SLC4A4: variants seen among roughly 807,000 people sequenced by gnomAD.
SLC4A4 encodes solute carrier family 4 member 4.
Under a neutral mutation model 111.5 loss-of-function variants are expected in SLC4A4, and 27 were observed. The ratio of observed to expected loss-of-function variants is 0.24; its 90% CI spans 0.18 to 0.33. The LOEUF (loss-of-function observed/expected upper bound fraction) is 0.33. SLC4A4 is among the 10% of genes least tolerant of loss of function. The pLI is 1.00. For synonymous variants in SLC4A4, 443 were observed against 463.4 expected (o/e 0.96, Z 0.57); for missense variants, 909 against 1,315.5 (o/e 0.69, Z 4.78).
chr4:71,515,576 A>C (rs1732309223), intron 16 of SLC4A4, among the ~76,000 whole-genome samples: 1 of 152,178 alleles, frequency 6.6e-6, no homozygotes, highest in Non-Finnish European at 1.5e-5. Context: ...CGGGGTGTTA[A>C]AATCTTCTAC....
chr4:71,216,196 A>G (rs1718423466), intron 1 of SLC4A4, among the ~76,000 whole-genome samples: 1 of 152,254 alleles, frequency 6.6e-6, no homozygotes, highest in Admixed American at 6.5e-5. Context: ...GGCGTGAGCC[A>G]CAACTCCCAG....
chr4:71,084,940 A>G (rs1175026771), intron 1 of SLC4A4, among the ~76,000 whole-genome samples: 1 of 152,088 alleles, frequency 6.6e-6, no homozygotes, highest in Non-Finnish European at 1.5e-5. Context: ...TTGCTAGGTC[A>G]AATGGCATTG....
intron 6 of SLC4A4, among the ~76,000 whole-genome samples, chr4:71,375,185 G>C (rs1328947159): frequency 6.6e-6 from 1 of 152,062 alleles, no homozygotes; most frequent in Non-Finnish European, 1.5e-5. Context: ...CTTACACTTT[G>C]TTCCAGTTGA....
intron 1 of SLC4A4, among the ~76,000 whole-genome samples, chr4:71,192,647 T>G (rs572945125): frequency 4.6e-5 from 7 of 152,092 alleles, no homozygotes; most frequent in Admixed American, 3.9e-4. Context: ...CCTCCCCCAC[T>G]TTCTCAGCTC....
intron 15 of SLC4A4, among the ~76,000 whole-genome samples, chr4:71,491,661 T>C (rs1729925378): frequency 6.6e-6 from 1 of 152,034 alleles, no homozygotes; most frequent in Non-Finnish European, 1.5e-5. Context: ...CTCACAACCC[T>C]GACCTGGAAT....
chr4:71,471,320 G>A (rs1229991367), intron 13 of SLC4A4, among the ~76,000 whole-genome samples: 1 of 151,954 alleles, frequency 6.6e-6, no homozygotes, highest in Non-Finnish European at 1.5e-5. Context: ...ATTTAAGCTA[G>A]GGTGTCTGAC....
In SLC4A4 at chr4:71,144,192, A is replaced by G. The variant is rs538541916; in HGVS notation, c.-2+51400A>G. Among the ~76,000 whole-genome samples, 416 of 152,296 alleles carry G rather than the reference A, an allele frequency of 2.7e-3. 4 individuals are homozygous for G. The highest frequency in any genetic ancestry group is 9.5e-3 in the African/African-American group (393 of 41,564). ...TTAGCCAGTTTTCCCAGCACCATCT[A>G]CTAAATAGGGAATCCTTTCCCCATT... is the stretch of plus-strand genomic sequence containing the variant. On this transcript the variant is annotated intron_variant, in intron 2 of 26. Coordinates refer to the SLC4A4 transcript ENST00000649996.
intron 7 of SLC4A4, among the ~76,000 whole-genome samples, chr4:71,421,062 C>T (rs372833673): frequency 0.17 from 24,900 of 143,354 alleles, 1,966 homozygotes; most frequent in South Asian, 0.36. Context: ...AGAGTCAAGA[C>T]CCATCAGTGT....
chr4:71,339,275 G>A lies in SLC4A4; in HGVS notation c.254-95G>A, dbSNP rs1210167775. 2 of 1,614,174 alleles carry A rather than the reference G, an allele frequency of 1.2e-6. No individual in the cohort carries two copies. The highest frequency in any genetic ancestry group is 1.6e-4 in the Middle Eastern group (1 of 6,062). On this transcript the variant is annotated intron_variant, in intron 3 of 25. Coordinates refer to ENST00000264485, the MANE Select transcript of SLC4A4 (RefSeq NM_001098484.3). ...TGTCCACTGAAAATGTGGAAGGGAA[G>A]CCCAGTAACCTTGGGGAGAGAGGAA... is the stretch of plus-strand genomic sequence containing the variant.
intron 1 of SLC4A4, among the ~76,000 whole-genome samples, chr4:71,084,922 T>C (rs1343030876): frequency 6.6e-6 from 1 of 152,092 alleles, no homozygotes; most frequent in Non-Finnish European, 1.5e-5. Context: ...ATATACCCAG[T>C]AATGGGATTG....
At chr4:71,313,461 A>G (rs1446702714) in intron 3 of SLC4A4, among the ~76,000 whole-genome samples, 2 of 152,200 alleles carry the variant, frequency 1.3e-5, no homozygotes, top group Admixed American at 6.5e-5. Flanking sequence ...AAAAGCCCAC[A>G]TAGCCAAGAC....
chr4:71,292,165 T>G (rs1724407184), intron 3 of SLC4A4, among the ~76,000 whole-genome samples: 1 of 152,252 alleles, frequency 6.6e-6, no homozygotes, highest in African/African-American at 2.4e-5. Context: ...AACCTGAATC[T>G]ATAATACGGT....
chr4:71,165,541 TG>T (rs1052373475), intron 2 of SLC4A4, among the ~76,000 whole-genome samples: 1 of 151,588 alleles, frequency 6.6e-6, no homozygotes, highest in Admixed American at 6.6e-5. Context: ...CTTCACACAT[TG>T]GGGCCTGTCA....
chr4:71,361,140 C>T (rs1410705670), intron 6 of SLC4A4, among the ~76,000 whole-genome samples: 1 of 152,202 alleles, frequency 6.6e-6, no homozygotes, highest in Non-Finnish European at 1.5e-5. Context: ...CCCCTCTATA[C>T]TTGGTTGTGA....
intron 2 of SLC4A4, among the ~76,000 whole-genome samples, chr4:71,253,939 T>C (rs1406088250): frequency 6.6e-6 from 1 of 152,188 alleles, no homozygotes; most frequent in East Asian, 1.9e-4. Context: ...ATATCTTTCC[T>C]GAAGGAGCAT....
chr4:71,382,576 A>C (rs1237969788), intron 6 of SLC4A4, among the ~76,000 whole-genome samples: 3 of 152,224 alleles, frequency 2.0e-5, no homozygotes, highest in Non-Finnish European at 4.4e-5. Context: ...ACCACATAAA[A>C]ATGAGCTTTA....
chr4:71,209,099 T>C (rs1043873729), intron 1 of SLC4A4, among the ~76,000 whole-genome samples: 1 of 152,234 alleles, frequency 6.6e-6, no homozygotes, highest in African/African-American at 2.4e-5. Context: ...TTATTCTGCA[T>C]GATCAGAATA....
intron 3 of SLC4A4, among the ~76,000 whole-genome samples, chr4:71,304,643 G>A (rs932481160): frequency 2.0e-5 from 3 of 152,194 alleles, no homozygotes; most frequent in African/African-American, 7.2e-5. Context: ...CATAATTGCT[G>A]TTATAAAAGG....
chr4:71,556,430 C>T (rs1284099623), intron 21 of SLC4A4, among the ~76,000 whole-genome samples: 1 of 151,854 alleles, frequency 6.6e-6, no homozygotes, highest in Non-Finnish European at 1.5e-5. Context: ...TTTTTATTTG[C>T]TCTTAATTAC....
Sources: allele counts gnomAD v4.1 joint callset (sites outside exome capture counted in the v4.1 genomes callset), GRCh38; gene constraint gnomAD v4.1.1; transcripts MANE v1.5; gene names NCBI Gene and HGNC (gene_info 2026-07-23, HGNC 2026-07-21).